The following IQSEC1 variants were observed in gnomAD, a reference collection of about 807,000 sequenced individuals.
IQSEC1 encodes the protein IQ motif and Sec7 domain ArfGEF 1, also known as IQ motif and SEC7 domain-containing protein 1.
In IQSEC1, 31 loss-of-function variants were observed where a neutral mutation model predicts 91.0. The observed-to-expected ratio is 0.34, with a 90% CI of 0.26 to 0.46. IQSEC1 has a LOEUF of 0.46. Among genes scored for constraint, IQSEC1 ranks in the 20% least tolerant of loss-of-function variants. The pLI, the probability that IQSEC1 is intolerant of heterozygous loss-of-function variation, is 1.00. For missense variants in IQSEC1, 1,388 were observed against 1,575.6 expected (o/e 0.88, Z 2.02); for synonymous variants, 699 against 662.6 (o/e 1.05, Z -0.84).
At chr3:13,234,342 CTGTG>C (rs895724475) in intron 1 of IQSEC1, among the ~76,000 whole-genome samples, 3 of 133,656 alleles carry the variant, frequency 2.2e-5, no homozygotes, top group Non-Finnish European at 5.0e-5. Flanking sequence ...AGCCCTGTGT[CTGTG>C]TGTGCCTATG....
Position 12,900,467 on chromosome 3 carries a change from ATT to A in IQSEC1, c.*514_*515del, listed in dbSNP as rs58853473. ...ACCTATACAGTATATATATATATATATTTATATATTTATATATTTATATAAAG... is the reference window on the plus strand; with the variant it reads ...ACCTATACAGTATATATATATATATATATATATTTATATATTTATATAAAG... On this transcript the variant is annotated 3_prime_UTR_variant, in exon 14 of 14. Coordinates refer to ENST00000613206, the MANE Select transcript of IQSEC1 (RefSeq NM_001134382.3). 3.5e-5 allele frequency: 23 copies of A among 658,826 alleles called. No homozygotes were observed. The highest frequency in any genetic ancestry group is 1.4e-4 in the South Asian group (2 of 14,738). 40.8% of individuals were successfully genotyped at this position (658,826 alleles called of 1,614,324 possible).
chr3:12,934,912 A>C (rs1698028988), intron 3 of IQSEC1, among the ~76,000 whole-genome samples: 1 of 150,902 alleles, frequency 6.6e-6, no homozygotes, highest in South Asian at 2.1e-4. Flanking sequence ...TCCATCCAGG[A>C]CACGGTTCTG....
At position 12,911,222 on chromosome 3, in the gene IQSEC1, A is replaced by G. The variant is rs150978455; in HGVS notation, c.2416+407T>C. ...TTGAGCCAGAGCTGGGATCTGACCC[A>G]GGCTGAGGGGCTCAGTTCTTCACTT... On this transcript the variant is annotated intron_variant, in intron 10 of 13. Transcript: ENST00000613206. Among the ~76,000 whole-genome samples the G allele has an allele frequency of 5.3e-5, 8 of 152,346 alleles. No individual in the cohort carries two copies. In the East Asian group the frequency reaches 1.5e-3, roughly 29 times the overall value.
At position 12,941,024 on chromosome 3, in the gene IQSEC1, A is replaced by G. The variant is rs559552494; in HGVS notation, c.318+547T>C. Among the ~76,000 whole-genome samples, 5 of 152,274 alleles carry G rather than the reference A, an allele frequency of 3.3e-5. No homozygotes were observed. The South Asian group carries it at 1.0e-3, about 32-fold the overall frequency. Reference sequence around the variant, plus strand: ...TGGGGGAGGGGTGCAGTCTTCAATGAGGGGATTTCCCACAGGAGCAGGGAG... The same window carrying G: ...TGGGGGAGGGGTGCAGTCTTCAATGGGGGGATTTCCCACAGGAGCAGGGAG... On this transcript the variant is annotated intron_variant, in intron 2 of 13. Coordinates refer to ENST00000613206, the MANE Select transcript of IQSEC1 (RefSeq NM_001134382.3).
intron 1 of IQSEC1, among the ~76,000 whole-genome samples, chr3:13,005,854 T>C (rs1336607080): frequency 6.6e-6 from 1 of 152,100 alleles, no homozygotes; most frequent in East Asian, 1.9e-4. Flanking sequence ...AAGGCTGCAG[T>C]GTCTGGACAA....
intron 1 of IQSEC1, among the ~76,000 whole-genome samples, chr3:12,980,642 C>T (rs1475113265): frequency 6.6e-6 from 1 of 152,214 alleles, no homozygotes; most frequent in Non-Finnish European, 1.5e-5. Context: ...CAATGCCCTG[C>T]CATGCACGGG....
At chr3:13,138,996 C>T (rs1257730378) in intron 2 of IQSEC1, among the ~76,000 whole-genome samples, 2 of 152,056 alleles carry the variant, frequency 1.3e-5, no homozygotes, top group South Asian at 4.1e-4. Flanking sequence ...CCCACAGTTC[C>T]GGGAGCCCTC....
chr3:13,059,166 C>G (rs140906589), intron 1 of IQSEC1, among the ~76,000 whole-genome samples: 2 of 152,124 alleles, frequency 1.3e-5, no homozygotes, highest in Non-Finnish European at 2.9e-5. Flanking sequence ...TGCTCCCAGG[C>G]TCCTCCCTGG....
At chr3:13,248,516 C>T (rs1225592906) in intron 1 of IQSEC1, among the ~76,000 whole-genome samples, 4 of 152,154 alleles carry the variant, frequency 2.6e-5, no homozygotes, top group Non-Finnish European at 5.9e-5. Flanking sequence ...GGCTCTGGTC[C>T]TCTCCCCACT....
At chr3:13,104,977 C>T (rs528243126) in intron 2 of IQSEC1, among the ~76,000 whole-genome samples, 7 of 152,332 alleles carry the variant, frequency 4.6e-5, no homozygotes, top group South Asian at 2.1e-4. Context: ...TGAAATCTTC[C>T]GGTTTGCCAA....
At chr3:13,059,744 C>T (rs975768427) in intron 1 of IQSEC1, among the ~76,000 whole-genome samples, 2 of 152,042 alleles carry the variant, frequency 1.3e-5, no homozygotes, top group Admixed American at 1.3e-4. Flanking sequence ...GAGCAAGACC[C>T]TATCTCTAAA....
chr3:12,949,207 G>T (rs1271451327), intron 1 of IQSEC1, among the ~76,000 whole-genome samples: 2 of 152,234 alleles, frequency 1.3e-5, no homozygotes, highest in African/African-American at 4.8e-5. Flanking sequence ...CAGGGGAAAA[G>T]CATGCTGCTG....
chr3:12,941,711 C>T lies in IQSEC1; in HGVS notation c.178G>A (p.Gly60Arg). 6.2e-7 allele frequency: 1 copy of T among 1,612,572 alleles called. No individual in the cohort carries two copies. The highest frequency in any genetic ancestry group is 1.8e-4 in the Middle Eastern group (1 of 5,688). Residue 60 changes from glycine to arginine, a missense_variant, in exon 2 of 14, where the codon GGG (glycine) becomes AGG (arginine). By Grantham distance (125) the Gly-to-Arg change is moderately radical. Around this residue, in one of 2 missense-constraint regions of IQSEC1, gnomAD observed 1,059 missense variants for 1,317.8 expected, o/e 0.80. Transcript: ENST00000613206. ...GAYGLYSGPPGQQQRTRRPKL... is the reference protein window; with the variant it reads ...GAYGLYSGPPRQQQRTRRPKL... ...GGCCTCCGCGTGCGCTGCTGTTGCCCCGGCGGCCCCGAGTACAGCCCATAG... is the reference window on the plus strand; with the variant it reads ...GGCCTCCGCGTGCGCTGCTGTTGCCTCGGCGGCCCCGAGTACAGCCCATAG...
chr3:13,083,802 G>A (rs758459705), intron 2 of IQSEC1, among the ~76,000 whole-genome samples: 15 of 152,264 alleles, frequency 9.9e-5, no homozygotes, highest in Admixed American at 5.9e-4. Context: ...ATGAGATCTC[G>A]CTCCACTTTC....
chr3:13,146,011 G>A (rs1706890316), intron 2 of IQSEC1, among the ~76,000 whole-genome samples: 1 of 152,118 alleles, frequency 6.6e-6, no homozygotes, highest in Non-Finnish European at 1.5e-5. Flanking sequence ...ATTTTTTCAA[G>A]AGACTAACGT....
intron 2 of IQSEC1, among the ~76,000 whole-genome samples, chr3:13,164,040 G>A (rs1165423986): frequency 1.3e-5 from 2 of 152,144 alleles, no homozygotes; most frequent in Non-Finnish European, 2.9e-5. Context: ...AAAGCACATG[G>A]TTTCATCAAC....
At chr3:13,199,251 G>A (rs953629852) in intron 1 of IQSEC1, among the ~76,000 whole-genome samples, 1 of 152,198 alleles carries the variant, frequency 6.6e-6, no homozygotes, top group Non-Finnish European at 1.5e-5. Flanking sequence ...CTTTGTGGAG[G>A]TGGCCGCACC....
At position 12,983,761 on chromosome 3, in the gene IQSEC1, G is replaced by A. The variant is rs914288426; in HGVS notation, c.24-41896C>T. Among the ~76,000 whole-genome samples, 2 of 152,186 alleles carry A rather than the reference G, an allele frequency of 1.3e-5. No homozygotes were observed. The highest frequency in any genetic ancestry group is 4.1e-4 in the South Asian group (2 of 4,830). On this transcript the variant is annotated intron_variant, in intron 1 of 13. Coordinates refer to ENST00000613206, the MANE Select transcript of IQSEC1 (RefSeq NM_001134382.3). This position sits in a 1 kb window ranked among gnomAD's most constrained non-coding sequence, Gnocchi z 4.3. Reference sequence around the variant, plus strand: ...CTCTCCCCTCTGGACAGCTCCGTGAGGATAAGAATAAGGTTGTCCGACATA... The same window carrying A: ...CTCTCCCCTCTGGACAGCTCCGTGAAGATAAGAATAAGGTTGTCCGACATA...
chr3:13,054,025 T>A (rs1704789182), intron 1 of IQSEC1, among the ~76,000 whole-genome samples: 1 of 152,136 alleles, frequency 6.6e-6, no homozygotes, highest in Non-Finnish European at 1.5e-5. Context: ...TTCCCCCACT[T>A]CGCACCGTCT....
Sources: gnomAD v4.1 joint callset for allele counts (sites outside exome capture counted in the v4.1 genomes callset) on GRCh38, gnomAD v4.1.1 for gene constraint, gnomAD v4.1.1 regional missense constraint, Gnocchi (gnomAD v3.1) non-coding constraint, MANE v1.5 for transcripts, NCBI Gene and HGNC (gene_info 2026-07-23, HGNC 2026-07-21) for gene names.